Variants in NEDD4 observed in about 807,000 individuals in gnomAD.
NEDD4 encodes E3 ubiquitin-protein ligase NEDD4.
Under a neutral mutation model 144.9 loss-of-function variants are expected in NEDD4, and 99 were observed. That is an observed-to-expected ratio of 0.68 (90% CI 0.58 to 0.81). The LOEUF (loss-of-function observed/expected upper bound fraction) is 0.81, where lower values mean the gene tolerates loss of function less well. Among genes scored for constraint, NEDD4 ranks in the 30% least tolerant of loss-of-function variants. The pLI is 0.00. For synonymous variants in NEDD4, 318 were observed against 350.6 expected, an observed-to-expected ratio of 0.91 and a Z score of 1.04; for missense variants, 985 against 1,065.9, an observed-to-expected ratio of 0.92 and a Z score of 1.06.
At chr15:55,986,447 A>T (rs2037892263) in intron 1 of NEDD4, among the ~76,000 whole-genome samples, 1 of 152,184 alleles carries the variant, frequency 6.6e-6, no homozygotes, top group Non-Finnish European at 1.5e-5. Flanking sequence ...GGTGTGATGC[A>T]TGCGAAGAAC....
chr15:55,833,719 T>C (rs1410109851), intron 26 of NEDD4, among the ~76,000 whole-genome samples: 2 of 152,172 alleles, frequency 1.3e-5, no homozygotes, highest in Non-Finnish European at 2.9e-5. Context: ...TGAGAAATTT[T>C]AAAAGAGCCA....
chr15:55,924,486 A>G, intron 5 of NEDD4, 160 bp downstream of exon 5: 1 of 612,092 alleles, frequency 1.6e-6, no homozygotes, highest in Non-Finnish European at 2.9e-6. Context: ...TAGGACCAGG[A>G]GGAAGAAAAC....
In NEDD4 at chr15:55,920,325, G is replaced by A. The variant is rs560494111; in HGVS notation, c.291+4321C>T. On this transcript the variant is annotated intron_variant, in intron 5 of 28. Transcript: ENST00000435532. ...CTAATACAACTGCTAAACGTGAGAAGCACAGGGTCTCCACCCAGAATATAG... is the reference window on the plus strand; with the variant it reads ...CTAATACAACTGCTAAACGTGAGAAACACAGGGTCTCCACCCAGAATATAG... Among the ~76,000 whole-genome samples, 15 of 152,168 alleles carry A rather than the reference G, an allele frequency of 9.9e-5. No homozygotes were observed. In the South Asian group the frequency reaches 2.5e-3, roughly 25 times the overall value.
chr15:55,890,232 C>T (rs151189767), intron 5 of NEDD4, among the ~76,000 whole-genome samples: 2,066 of 152,236 alleles, frequency 0.014, 25 homozygotes, highest in Non-Finnish European at 0.019. Flanking sequence ...AATTAACCCA[C>T]TTAGAGTGTA....
At chr15:55,840,184 GGATA>G (rs1359045381) in intron 21 of NEDD4, among the ~76,000 whole-genome samples, 1 of 150,676 alleles carries the variant, frequency 6.6e-6, no homozygotes, top group Non-Finnish European at 1.5e-5. Flanking sequence ...ACAGACTGAT[GGATA>G]GACAGATAGG....
At chr15:55,888,821 G>T (rs761745692) in intron 5 of NEDD4, among the ~76,000 whole-genome samples, 1 of 152,062 alleles carries the variant, frequency 6.6e-6, no homozygotes, top group Non-Finnish European at 1.5e-5. Context: ...TTCATATTGG[G>T]TAAAGGTGCC....
At chr15:55,938,841 C>T (rs974252177) in intron 4 of NEDD4, among the ~76,000 whole-genome samples, 2 of 151,908 alleles carry the variant, frequency 1.3e-5, no homozygotes, top group African/African-American at 2.4e-5. Flanking sequence ...CACAGTGGCT[C>T]ATGCCTGTGA....
intron 26 of NEDD4, 119 bp downstream of exon 26, chr15:55,833,919 G>C (rs1391429828): frequency 9.6e-6 from 7 of 725,712 alleles, no homozygotes; most frequent in Non-Finnish European, 4.6e-6. Flanking sequence ...ATTTTTTCTG[G>C]TCTGTATATT....
At chr15:55,926,633 G>T (rs1156555346) in intron 4 of NEDD4, among the ~76,000 whole-genome samples, 3 of 146,578 alleles carry the variant, frequency 2.0e-5, no homozygotes, top group Admixed American at 6.8e-5. Flanking sequence ...GGGCATCATG[G>T]CACATGCCTA....
Position 55,863,057 on chromosome 15 carries a change from T to A in NEDD4, c.530A>T (p.Gln177Leu), listed in dbSNP as rs1438445619. 1.2e-6 allele frequency: 2 copies of A among 1,600,896 alleles called. No homozygotes were observed. The highest frequency in any genetic ancestry group is 1.7e-6 in the Non-Finnish European group (2 of 1,171,358). ...ELEPGWVVLD[Q>L]PDAACHLQQQ... is the part of the protein sequence containing the mutation. ...CTGCAAATGGCAAGCAGCATCTGGT[T>A]GGTCCAAAACAACCCAGCCAGGCTG... is the stretch of plus-strand genomic sequence containing the variant. Residue 177 changes from glutamine (Q) to leucine (L), a missense_variant, in exon 9 of 29, where the codon CAA (glutamine) becomes CTA (leucine). Coordinates refer to ENST00000435532, the MANE Select transcript of NEDD4 (RefSeq NM_006154.4).
At chr15:55,955,814 A>ATTT (rs71297639) in intron 2 of NEDD4, among the ~76,000 whole-genome samples, 55 of 130,256 alleles carry the variant, frequency 4.2e-4, no homozygotes, top group Admixed American at 7.2e-4. Flanking sequence ...TCTATACTAC[A>ATTT]TTTTTTTTTT....
At chr15:55,874,446 C>G (rs1238424430) in intron 5 of NEDD4, among the ~76,000 whole-genome samples, 1 of 152,016 alleles carries the variant, frequency 6.6e-6, no homozygotes. Context: ...GTCAGAAGGC[C>G]TAGTTTGGGG....
At chr15:55,985,431 G>A (rs531355041) in intron 1 of NEDD4, among the ~76,000 whole-genome samples, 18 of 152,326 alleles carry the variant, frequency 1.2e-4, no homozygotes, top group South Asian at 2.1e-4. Flanking sequence ...GGAGGACGGC[G>A]TTGCACAGGG....
intron 2 of NEDD4, among the ~76,000 whole-genome samples, chr15:55,965,653 G>GGTATGTATGTATGTATGTAT (rs71110357): frequency 5.3e-5 from 8 of 150,192 alleles, no homozygotes; most frequent in African/African-American, 2.0e-4. Flanking sequence ...AATACTATTT[G>GGTATGTATGTATGTATGTAT]GTATGTATGT....
intron 5 of NEDD4, among the ~76,000 whole-genome samples, chr15:55,913,534 C>T (rs1236007334): frequency 6.6e-6 from 1 of 151,790 alleles, no homozygotes; most frequent in African/African-American, 2.4e-5. Flanking sequence ...AAACATTAAA[C>T]GGGGGGACAA....
At chr15:55,873,923 A>C in intron 6 of NEDD4, 35 bp downstream of exon 6, 1 of 1,279,744 alleles carries the variant, frequency 7.8e-7, no homozygotes, top group African/African-American at 1.5e-5. Flanking sequence ...TAAAAAAATA[A>C]GCCCAAAAGG....
Position 55,828,150 on chromosome 15 carries a change from G to A in NEDD4, c.*1747C>T, listed in dbSNP as rs1469299050. On this transcript the variant is annotated 3_prime_UTR_variant, in exon 29 of 29. Transcript: ENST00000435532. ...GCTTCCCCTAAACCATGCTGATGCT[G>A]TGGTGTTTGGAAAGTAGAAAGTGGT... is the stretch of plus-strand genomic sequence containing the variant. The A allele has an allele frequency of 6.6e-6, 1 of 152,162 alleles. No homozygotes were observed. The highest frequency in any genetic ancestry group is 1.9e-4 in the East Asian group (1 of 5,186). The allele number at this position is 152,162 out of a possible 1,614,324, so 9.4% of individuals were successfully genotyped here.
Position 55,955,780 on chromosome 15 carries a change from T to A in NEDD4, c.120-4191A>T, listed in dbSNP as rs148084634. Among the ~76,000 whole-genome samples the A allele has an allele frequency of 1.3e-4, 19 of 151,962 alleles. No individual in the cohort carries two copies. The East Asian group carries it at 2.7e-3, about 22-fold the overall frequency. ...ACACATGTGCATGGACACCCCATCA[T>A]GACACTTAAAAACTACAAAAGGATC... is the stretch of plus-strand genomic sequence containing the variant. On this transcript the variant is annotated intron_variant, in intron 2 of 28. Coordinates refer to ENST00000435532, the MANE Select transcript of NEDD4 (RefSeq NM_006154.4).
At chr15:55,892,437 C>G (rs975568387) in intron 5 of NEDD4, among the ~76,000 whole-genome samples, 2 of 151,810 alleles carry the variant, frequency 1.3e-5, no homozygotes, top group Admixed American at 6.6e-5. Context: ...AGGTTTTCTG[C>G]TGTAATATCA....
Sources: gnomAD v4.1 joint callset for allele counts (sites outside exome capture counted in the v4.1 genomes callset) on GRCh38, gnomAD v4.1.1 for gene constraint, MANE v1.5 for transcripts, NCBI Gene and HGNC (gene_info 2026-07-23, HGNC 2026-07-21) for gene names.